Variants in TRAF5 observed in about 807,000 individuals in gnomAD.
The protein encoded by TRAF5 is TNF receptor associated factor 5.
Under a neutral mutation model 64.5 loss-of-function variants are expected in TRAF5, and 48 were observed. The ratio of observed to expected loss-of-function variants is 0.74; its 90% confidence interval spans 0.59 to 0.95. The LOEUF is 0.95. Among genes scored for constraint, TRAF5 ranks in the 40% least tolerant of loss-of-function variants. The pLI is 0.00. For synonymous variants in TRAF5, 206 were observed against 240.5 expected (o/e 0.86, Z 1.33); for missense variants, 545 against 662.8 (o/e 0.82, Z 1.95).
At chr1:211,353,218 C>T in intron 1 of TRAF5, 21 bp from the exon 2 acceptor site, 3 of 1,611,862 alleles carry the variant, frequency 1.9e-6, no homozygotes, top group Non-Finnish European at 2.5e-6. Flanking sequence ...AATTTTCCCT[C>T]TCCTCCCCTG....
chr1:211,347,165 G>A (rs1702637737), intron 1 of TRAF5, among the ~76,000 whole-genome samples: 2 of 152,186 alleles, frequency 1.3e-5, no homozygotes, highest in South Asian at 2.1e-4. Flanking sequence ...ACACAGAGGG[G>A]AAAGATTTTA....
At chr1:211,354,272 C>A in intron 2 of TRAF5, 138 bp from the exon 3 acceptor site, 1 of 705,684 alleles carries the variant, frequency 1.4e-6, no homozygotes. Flanking sequence ...GAGGCCCCTT[C>A]TGGGTAGAGG....
Position 211,353,335 on chromosome 1 carries a change from G to C in TRAF5, c.96G>C (p.Glu32Asp). Reference protein sequence around the residue: ...SISLDFEPSIEYQFVERLEER... With the variant: ...SISLDFEPSIDYQFVERLEER... ...CCTTGGACTTTGAGCCCAGTATAGA[G>C]TACCAGTTTGTGGAGCGGTTGGAAG... is the stretch of plus-strand genomic sequence containing the variant. The change falls in exon 2 of 11, where the codon GAG (glutamate) becomes GAC (aspartate). Residue 32 changes from glutamate (E) to aspartate (D), a missense_variant. Physicochemically the swap from Glu to Asp is conservative, Grantham distance 45. Coordinates refer to ENST00000261464, the MANE Select transcript of TRAF5 (RefSeq NM_001033910.3). 2 of 1,614,202 alleles carry C rather than the reference G, an allele frequency of 1.2e-6. No individual in the cohort carries two copies. Among genetic ancestry groups the C allele is most frequent in the Middle Eastern group, 1.6e-4 (1 of 6,062 alleles).
At chr1:211,342,258 TAAG>T (rs1057151721) in intron 1 of TRAF5, among the ~76,000 whole-genome samples, 6 of 152,250 alleles carry the variant, frequency 3.9e-5, no homozygotes, top group African/African-American at 1.4e-4. Context: ...TATTTAATCT[TAAG>T]AAGTTCTATG....
chr1:211,360,648 A>G (rs67772854), intron 5 of TRAF5, 54 bp from the exon 6 acceptor site: 198,064 of 1,384,050 alleles, frequency 0.14, 15,050 homozygotes, highest in South Asian at 0.21. Flanking sequence ...AGGTGTAATC[A>G]CTGTGAGGCC....
chr1:211,344,119 G>GT (rs956103436), intron 1 of TRAF5, among the ~76,000 whole-genome samples: 3 of 152,292 alleles, frequency 2.0e-5, no homozygotes, highest in African/African-American at 7.2e-5. Flanking sequence ...AGGCATCTCT[G>GT]TAAGTGGGAC....
At chr1:211,338,485 C>G (rs1018575778) in intron 1 of TRAF5, among the ~76,000 whole-genome samples, 1 of 152,216 alleles carries the variant, frequency 6.6e-6, no homozygotes, top group Admixed American at 6.5e-5. Flanking sequence ...ATGTGACCGG[C>G]ACTGAATAAA....
At chr1:211,343,335 C>T (rs1445966577) in intron 1 of TRAF5, among the ~76,000 whole-genome samples, 1 of 152,136 alleles carries the variant, frequency 6.6e-6, no homozygotes, top group Non-Finnish European at 1.5e-5. Flanking sequence ...GGAGGAACCC[C>T]AGCTCTTCAT....
chr1:211,350,222 T>C (rs35711226), intron 1 of TRAF5, among the ~76,000 whole-genome samples: 17,742 of 151,084 alleles, frequency 0.12, 1,139 homozygotes, highest in South Asian at 0.2. Context: ...TTCTTTCTTT[T>C]TTTTTTTTGA....
At chr1:211,351,500 A>T (rs1702786544) in intron 1 of TRAF5, among the ~76,000 whole-genome samples, 1 of 152,118 alleles carries the variant, frequency 6.6e-6, no homozygotes, top group Non-Finnish European at 1.5e-5. Context: ...GCAGTGATAG[A>T]TACTGTGAGT....
intron 1 of TRAF5, among the ~76,000 whole-genome samples, chr1:211,351,031 C>CTTTTTT (rs11426853): frequency 2.6e-5 from 3 of 116,026 alleles, no homozygotes; most frequent in African/African-American, 3.4e-5. Context: ...CTGGCCTCTT[C>CTTTTTT]TTTTTTTTTT....
chr1:211,359,841 G>A, intron 4 of TRAF5, 71 bp from the exon 5 acceptor site: 1 of 1,594,786 alleles, frequency 6.3e-7, no homozygotes, highest in Middle Eastern at 1.9e-4. Flanking sequence ...TCCCTCCCTA[G>A]GCCTTCCAGC....
Position 211,372,655 on chromosome 1 carries a change from C to T in TRAF5, c.1627C>T (p.Leu543=). The change falls in exon 11 of 11, where the codon CTG becomes TTG. Residue 543 remains leucine, a synonymous_variant. Transcript: ENST00000261464. ...AKNAYIKDDT[L]FLKVAVDLTD... Reference sequence around the variant, plus strand: ...GAACGCCTACATTAAAGATGACACTCTGTTCTTGAAAGTGGCCGTGGACTT... The same window carrying T: ...GAACGCCTACATTAAAGATGACACTTTGTTCTTGAAAGTGGCCGTGGACTT... 6.2e-7 allele frequency: 1 copy of T among 1,614,182 alleles called. No homozygotes were observed.
At chr1:211,345,498 G>A (rs945497515) in intron 1 of TRAF5, among the ~76,000 whole-genome samples, 1 of 152,090 alleles carries the variant, frequency 6.6e-6, no homozygotes, top group Admixed American at 6.6e-5. Context: ...ACCCACCGAG[G>A]GCATGGATTC....
At chr1:211,371,567 C>CCA (rs1223627756) in intron 10 of TRAF5, 97 bp downstream of exon 10, 3 of 1,226,492 alleles carry the variant, frequency 2.4e-6, no homozygotes, top group East Asian at 5.2e-5. Flanking sequence ...TCACATCTGT[C>CCA]CAGGATAAAC....
chr1:211,327,146 G>A (rs1055183770), intron 1 of TRAF5, among the ~76,000 whole-genome samples: 2 of 152,088 alleles, frequency 1.3e-5, no homozygotes, highest in Non-Finnish European at 2.9e-5. Context: ...TGCGGAGCGG[G>A]TTTCTTAGCC....
rs545673186 is a variant in TRAF5 at position 211,354,154 on chromosome 1, CAG to C, written c.219-255_219-254del. Among the ~76,000 whole-genome samples the C allele has an allele frequency of 1.7e-4, 26 of 152,310 alleles. No homozygotes were observed. In the East Asian group the frequency reaches 4.4e-3, roughly 26 times the overall value. On this transcript the variant is annotated intron_variant, in intron 2 of 10. Coordinates refer to ENST00000261464, the MANE Select transcript of TRAF5 (RefSeq NM_001033910.3). ...GTGGCACAGCGTGATAAACAAAGGA[CAG>C]GGGGCATTCAGCTCTGTCCAGGGAC...
Position 211,360,158 on chromosome 1 carries a change from G to C in TRAF5, c.543+82G>C, listed in dbSNP as rs191989944. ...TCACAGTGAATCAGGTGGAATGCCA[G>C]AAGAACATTCCTGCATTTATTTTTG... is the stretch of plus-strand genomic sequence containing the variant. On this transcript the variant is annotated intron_variant, in intron 5 of 10. Coordinates refer to ENST00000261464, the MANE Select transcript of TRAF5 (RefSeq NM_001033910.3). The C allele has an allele frequency of 3.1e-5, 43 of 1,374,300 alleles. No homozygotes were observed. In the East Asian group the frequency reaches 3.7e-4, roughly 12 times the overall value. 85.1% of individuals were successfully genotyped at this position (1,374,300 alleles called of 1,614,324 possible).
Position 211,372,100 on chromosome 1 carries a change from C to CTTTTTTT in TRAF5, c.1100-18_1100-12dup, listed in dbSNP as rs10717294. Reference sequence around the variant, plus strand: ...AAGATAACTTTTAGGCCTATGGAATCTTTTTTTTTTTTTTTTCTTATTTGC... The same window carrying CTTTTTTT: ...AAGATAACTTTTAGGCCTATGGAATCTTTTTTTTTTTTTTTTTTTTTTTCTTATTTGC... On this transcript the variant is annotated intron_variant, in intron 10 of 10. Coordinates refer to ENST00000261464, the MANE Select transcript of TRAF5 (RefSeq NM_001033910.3). 5.5e-6 allele frequency: 7 copies of CTTTTTTT among 1,264,194 alleles called. 1 individual carries two copies. Among genetic ancestry groups the CTTTTTTT allele is most frequent in the African/African-American group, 3.1e-5 (2 of 64,826 alleles). 78.3% of individuals were successfully genotyped at this position (1,264,194 alleles called of 1,614,324 possible). A position where few individuals can be genotyped will look rare whatever the true frequency, so the allele number is the denominator to read the frequency against.
Sources: gnomAD v4.1 joint callset for allele counts (sites outside exome capture counted in the v4.1 genomes callset) on GRCh38, gnomAD v4.1.1 for gene constraint, MANE v1.5 for transcripts, NCBI Gene and HGNC (gene_info 2026-07-23, HGNC 2026-07-21) for gene names.